The following MAPRE1 variants were observed in gnomAD, a reference collection of about 807,000 sequenced individuals.
MAPRE1 encodes microtubule-associated protein RP/EB family member 1.
Under a neutral mutation model 32.1 loss-of-function variants are expected in MAPRE1, and 5 were observed. The observed-to-expected ratio is 0.16, with a 90% CI of 0.08 to 0.33. The LOEUF is 0.33. MAPRE1 is among the 10% of genes least tolerant of loss of function. The pLI, the probability that MAPRE1 is intolerant of heterozygous loss-of-function variation, is 1.00. For synonymous variants in MAPRE1, 122 were observed against 118.9 expected (o/e 1.03, Z -0.17); for missense variants, 209 against 327.2 (o/e 0.64, Z 2.79).
chr20:32,831,000 A>G (rs1054113314), intron 2 of MAPRE1, among the ~76,000 whole-genome samples: 2 of 152,204 alleles, frequency 1.3e-5, no homozygotes, highest in Admixed American at 1.3e-4. Context: ...CTGGGATTAC[A>G]GGTGTGAGCC....
intron 1 of MAPRE1, among the ~76,000 whole-genome samples, chr20:32,820,446 G>C (rs574730889): frequency 9.2e-5 from 14 of 152,256 alleles, no homozygotes; most frequent in African/African-American, 3.1e-4. Context: ...GGTGGAGTCA[G>C]ACCTGGGTTG....
intron 5 of MAPRE1, among the ~76,000 whole-genome samples, chr20:32,844,700 C>G (rs184995735): frequency 2.1e-4 from 32 of 152,304 alleles, no homozygotes; most frequent in Admixed American, 5.9e-4. Context: ...GCGTGAGCCA[C>G]TGCGCCTGGC....
At position 32,848,880 on chromosome 20, in the gene MAPRE1, C is replaced by G. The variant is rs1983576556; in HGVS notation, c.*152C>G. ...CTTAAAGTGCACTTTGCAGACGTTT[C>G]ACTCCTTTTCCAATAAGTTTGAGTT... is the stretch of plus-strand genomic sequence containing the variant. On this transcript the variant is annotated 3_prime_UTR_variant, in exon 7 of 7. Coordinates refer to ENST00000375571, the MANE Select transcript of MAPRE1 (RefSeq NM_012325.3). The G allele has an allele frequency of 1.8e-6, 1 of 561,996 alleles. No individual in the cohort carries two copies. Among genetic ancestry groups the G allele is most frequent in the Middle Eastern group, 4.8e-4 (1 of 2,068 alleles). 34.8% of individuals were successfully genotyped at this position (561,996 alleles called of 1,614,324 possible).
intron 5 of MAPRE1, among the ~76,000 whole-genome samples, chr20:32,844,049 T>A (rs923549234): frequency 2.6e-5 from 4 of 152,088 alleles, no homozygotes; most frequent in Non-Finnish European, 4.4e-5. Flanking sequence ...AGACAGGGTT[T>A]CACCATGTTG....
At chr20:32,827,937 CTT>C (rs112031443) in intron 2 of MAPRE1, among the ~76,000 whole-genome samples, 11 of 141,656 alleles carry the variant, frequency 7.8e-5, no homozygotes, top group Admixed American at 1.4e-4. Flanking sequence ...AGGATTTTTT[CTT>C]TTTTTTTTTT....
rs190809278 is a variant in MAPRE1, at chr20:32,845,988, T to C, written c.598-630T>C. Among the ~76,000 whole-genome samples, 25 of 152,348 alleles carry C rather than the reference T, an allele frequency of 1.6e-4. No individual in the cohort carries two copies. The East Asian group carries it at 4.2e-3, about 26-fold the overall frequency. On this transcript the variant is annotated intron_variant, in intron 5 of 6. Coordinates refer to ENST00000375571, the MANE Select transcript of MAPRE1 (RefSeq NM_012325.3). The stretch of plus-strand genomic sequence containing the variant: ...CATTGACAGTTAAATGGAATTCACT[T>C]GTCATAGATGTGAATACAGTACACT...
chr20:32,839,700 T>TA, intron 4 of MAPRE1, 35 bp from the exon 5 acceptor site: 1 of 1,610,894 alleles, frequency 6.2e-7, no homozygotes, highest in Non-Finnish European at 8.5e-7. Flanking sequence ...GGGCTGGAAT[T>TA]ACTCCTTTTC....
intron 5 of MAPRE1, among the ~76,000 whole-genome samples, chr20:32,844,258 G>T (rs192763375): frequency 2.0e-5 from 3 of 151,978 alleles, no homozygotes; most frequent in African/African-American, 7.2e-5. Flanking sequence ...TGTTTGTTAT[G>T]TGTGTATAGT....
chr20:32,828,871 A>AATGTAAATTACAT (rs754020546), intron 2 of MAPRE1, among the ~76,000 whole-genome samples: 1 of 152,146 alleles, frequency 6.6e-6, no homozygotes, highest in African/African-American at 2.4e-5. Flanking sequence ...GTAAATTACA[A>AATGTAAATTACAT]ATGTAAATTA....
intron 2 of MAPRE1, among the ~76,000 whole-genome samples, chr20:32,826,811 C>CTG (rs1393000575): frequency 1.3e-5 from 2 of 152,004 alleles, no homozygotes; most frequent in African/African-American, 4.8e-5. Context: ...GCCACCATGC[C>CTG]TGGTTGGAAC....
At chr20:32,839,581 G>A (rs1214982933) in intron 4 of MAPRE1, among the ~76,000 whole-genome samples, 154 bp from the exon 5 acceptor site, 2 of 152,174 alleles carry the variant, frequency 1.3e-5, no homozygotes, top group African/African-American at 2.4e-5. Context: ...ATGTGGGAGC[G>A]TTGTCTTGCA....
chr20:32,831,361 A>G (rs1983018267), intron 2 of MAPRE1, among the ~76,000 whole-genome samples: 1 of 152,030 alleles, frequency 6.6e-6, no homozygotes, highest in Non-Finnish European at 1.5e-5. Flanking sequence ...TATGTAATTG[A>G]TTCTTTCTCT....
At chr20:32,835,422 C>T (rs1004725556) in intron 3 of MAPRE1, among the ~76,000 whole-genome samples, 6 of 125,752 alleles carry the variant, frequency 4.8e-5, no homozygotes, top group African/African-American at 2.0e-4. Context: ...GTCTAAATTC[C>T]TGGACTCAAG....
At chr20:32,845,466 A>G (rs1010888489) in intron 5 of MAPRE1, among the ~76,000 whole-genome samples, 12 of 152,210 alleles carry the variant, frequency 7.9e-5, no homozygotes, top group Middle Eastern at 3.4e-3. Context: ...GAACTTTGAA[A>G]TTCGTTTTGA....
intron 5 of MAPRE1, among the ~76,000 whole-genome samples, chr20:32,845,602 G>A (rs1258337703): frequency 6.6e-6 from 1 of 152,146 alleles, no homozygotes; most frequent in Non-Finnish European, 1.5e-5. Context: ...GTCTTCATCA[G>A]GCTGTGGGGA....
intron 5 of MAPRE1, among the ~76,000 whole-genome samples, chr20:32,842,186 C>T (rs1210334042): frequency 2.6e-5 from 4 of 152,110 alleles, no homozygotes; most frequent in African/African-American, 4.8e-5. Context: ...CCTGGGTTCA[C>T]GCCATTCTCC....
intron 1 of MAPRE1, among the ~76,000 whole-genome samples, chr20:32,822,321 C>T (rs1314744952): frequency 6.6e-6 from 1 of 152,068 alleles, no homozygotes; most frequent in Non-Finnish European, 1.5e-5. Context: ...TCTCTGGTAC[C>T]TGATTTTGCG....
rs754488900 is a variant in MAPRE1, at chr20:32,848,625, A to G, written c.751-47A>G. The G allele has an allele frequency of 7.4e-6, 11 of 1,476,932 alleles. No homozygotes were observed. The African/African-American group carries it at 1.5e-4, about 21-fold the overall frequency. 91.5% of individuals were successfully genotyped at this position (1,476,932 alleles called of 1,614,324 possible). A position where few individuals can be genotyped will look rare whatever the true frequency, so the allele number is the denominator to read the frequency against. On this transcript the variant is annotated intron_variant, in intron 6 of 6. Transcript: ENST00000375571. ...AGTATGAGGAAAGTGAACTCACAGT[A>G]GAAATGGATCTTTCAGTGGCTTTCC...
intron 2 of MAPRE1, among the ~76,000 whole-genome samples, chr20:32,827,776 G>A (rs1473864995): frequency 6.6e-6 from 1 of 151,512 alleles, no homozygotes; most frequent in African/African-American, 2.4e-5. Context: ...CGCACCTGTA[G>A]TCCAGCTACC....
Sources: gnomAD v4.1 joint callset for allele counts (sites outside exome capture counted in the v4.1 genomes callset) on GRCh38, gnomAD v4.1.1 for gene constraint, MANE v1.5 for transcripts, NCBI Gene and HGNC (gene_info 2026-07-23, HGNC 2026-07-21) for gene names.